Variants in STX8 observed in about 807,000 individuals in gnomAD.
STX8 encodes syntaxin-8.
Under a neutral mutation model 37.5 loss-of-function variants are expected in STX8, and 23 were observed. The observed-to-expected ratio is 0.61, with a 90% confidence interval of 0.44 to 0.87. STX8 has a LOEUF of 0.87. Among genes scored for constraint, STX8 ranks in the 40% least tolerant of loss-of-function variants. The probability of loss-of-function intolerance (pLI) is 0.00; values close to 1 mark genes in which losing one functional copy is unlikely to be tolerated. For missense variants in STX8, 313 were observed against 284.7 expected (o/e 1.10, Z -0.71); for synonymous variants, 115 against 99.1 (o/e 1.16, Z -0.95).
intron 6 of STX8, among the ~76,000 whole-genome samples, chr17:9,400,439 C>A (rs1272034927): frequency 6.6e-6 from 1 of 150,466 alleles, no homozygotes; most frequent in African/African-American, 2.5e-5. Flanking sequence ...GAGTCTCGCG[C>A]TGTCACGCAG....
chr17:9,327,527 T>C (rs1157535213), intron 7 of STX8, among the ~76,000 whole-genome samples: 1 of 152,128 alleles, frequency 6.6e-6, no homozygotes, highest in South Asian at 2.1e-4. Context: ...CTAATGTTGA[T>C]GGACAGAGAG....
In STX8 at chr17:9,400,103, A is replaced by AT. The variant is rs1332056276; in HGVS notation, c.542-21451dup. Among the ~76,000 whole-genome samples, 424 of 104,648 alleles carry AT rather than the reference A, an allele frequency of 4.1e-3. 3 individuals carry two copies. Among genetic ancestry groups the AT allele is most frequent in the African/African-American group, 0.016 (407 of 26,214 alleles). The allele number at this position is 104,648 out of a possible 152,430, so 68.7% of individuals were successfully genotyped here. A position where few individuals can be genotyped will look rare whatever the true frequency, so the allele number is the denominator to read the frequency against. On this transcript the variant is annotated intron_variant, in intron 6 of 7. Transcript: ENST00000306357. The stretch of plus-strand genomic sequence containing the variant: ...TTATTTATTTATTTAATTTGTTGTT[A>AT]TTATTTTTTTTTTTTTTGAGACGGA...
chr17:9,528,771 G>C (rs1385015886), intron 4 of STX8, among the ~76,000 whole-genome samples: 1 of 151,852 alleles, frequency 6.6e-6, no homozygotes, highest in Non-Finnish European at 1.5e-5. Context: ...GAAACTATTA[G>C]AAAGAGGTAT....
chr17:9,421,678 C>T (rs1000031205), intron 6 of STX8, among the ~76,000 whole-genome samples: 1 of 152,030 alleles, frequency 6.6e-6, no homozygotes, highest in Non-Finnish European at 1.5e-5. Context: ...ACAATCACCA[C>T]CCCTATCTAG....
intron 6 of STX8, among the ~76,000 whole-genome samples, chr17:9,474,373 GT>G (rs1003444829): frequency 7.9e-5 from 12 of 152,180 alleles, no homozygotes; most frequent in Non-Finnish European, 1.5e-4. Context: ...GAACCCCTCA[GT>G]TTTTTTCTTT....
rs370815258 is a variant in STX8, at chr17:9,281,663, G to C, written c.644-31018C>G. 9.2e-5 allele frequency among the ~76,000 whole-genome samples: 14 copies of C among 152,226 alleles called. No individual in the cohort carries two copies. In the East Asian group the frequency reaches 1.7e-3, roughly 19 times the overall value. ...TAAAAATATTAAAAGGCTGGGCACA[G>C]TGGCTCACGCCTGTAATCCCAGCAC... On this transcript the variant is annotated intron_variant, in intron 7 of 7. Transcript: ENST00000306357.
At chr17:9,473,735 T>C (rs1345598879) in intron 6 of STX8, among the ~76,000 whole-genome samples, 1 of 152,194 alleles carries the variant, frequency 6.6e-6, no homozygotes, top group Non-Finnish European at 1.5e-5. Context: ...GGGCCAAGTA[T>C]ACATATGTTT....
chr17:9,400,611 G>T (rs1351832277), intron 6 of STX8, among the ~76,000 whole-genome samples: 1 of 151,486 alleles, frequency 6.6e-6, no homozygotes, highest in Non-Finnish European at 1.5e-5. Context: ...CACCATGTTG[G>T]TCAGGCTGGT....
intron 6 of STX8, among the ~76,000 whole-genome samples, chr17:9,489,690 C>CGTTTTT (rs1378987157): frequency 2.1e-4 from 8 of 38,606 alleles, no homozygotes; most frequent in Admixed American, 1.6e-3. Context: ...AGCTTACTTT[C>CGTTTTT]CTTTTTTTTT....
intron 7 of STX8, among the ~76,000 whole-genome samples, chr17:9,356,447 T>C (rs1019006070): frequency 2.6e-5 from 4 of 152,214 alleles, no homozygotes; most frequent in Non-Finnish European, 4.4e-5. Flanking sequence ...GTGGTGCCCA[T>C]GTAAGCTGCC....
intron 7 of STX8, among the ~76,000 whole-genome samples, chr17:9,286,686 C>CAAAAA (rs34274390): frequency 8.4e-5 from 7 of 82,932 alleles, no homozygotes; most frequent in African/African-American, 3.2e-4. Context: ...CAAAGGGAAG[C>CAAAAA]AAAAAAAAAA....
At chr17:9,311,690 T>G (rs1909193483) in intron 7 of STX8, among the ~76,000 whole-genome samples, 2 of 152,190 alleles carry the variant, frequency 1.3e-5, no homozygotes, top group African/African-American at 4.8e-5. Flanking sequence ...TCACTGAACC[T>G]TTCTGTGCTT....
At chr17:9,463,777 G>A (rs1348481152) in intron 6 of STX8, among the ~76,000 whole-genome samples, 3 of 152,060 alleles carry the variant, frequency 2.0e-5, no homozygotes, top group Admixed American at 2.0e-4. Context: ...GTGTGGTGGC[G>A]CATGCCTGTA....
At chr17:9,551,062 T>C (rs1195362896) in intron 3 of STX8, among the ~76,000 whole-genome samples, 1 of 151,962 alleles carries the variant, frequency 6.6e-6, no homozygotes, top group Non-Finnish European at 1.5e-5. Flanking sequence ...GCAACAAGAG[T>C]GAAACTCCGT....
intron 2 of STX8, 123 bp downstream of exon 2, chr17:9,568,248 C>T: frequency 1.5e-6 from 1 of 662,824 alleles, no homozygotes; most frequent in Non-Finnish European, 2.5e-6. Context: ...GTCAATTCAA[C>T]ATATGTAAGC....
At chr17:9,483,365 TGTAAGGAC>T (rs1906431020) in intron 6 of STX8, among the ~76,000 whole-genome samples, 2 of 152,290 alleles carry the variant, frequency 1.3e-5, no homozygotes, top group South Asian at 2.1e-4. Flanking sequence ...GCCTCCCCTT[TGTAAGGAC>T]GTTTGGGATC....
At position 9,259,794 on chromosome 17, in the gene STX8, G is replaced by A. The variant is rs138275040; in HGVS notation, c.644-9149C>T. ...AGGAGAAGGTTAAAGCAAACCACAA[G>A]GAGCACCCGACTTTATAACACATTC... On this transcript the variant is annotated intron_variant, in intron 7 of 7. Coordinates refer to ENST00000306357, the MANE Select transcript of STX8 (RefSeq NM_004853.3). Among the ~76,000 whole-genome samples the A allele has an allele frequency of 3.2e-3, 490 of 152,300 alleles. 2 individuals carry two copies. Among genetic ancestry groups the A allele is most frequent in the Non-Finnish European group, 4.9e-3 (336 of 68,024 alleles).
rs113720079 is a variant in STX8, at chr17:9,422,311, T to C, written c.542-43658A>G. 5.2e-3 allele frequency among the ~76,000 whole-genome samples: 793 copies of C among 152,298 alleles called. 6 individuals carry two copies. Among genetic ancestry groups the C allele is most frequent in the African/African-American group, 0.018 (745 of 41,566 alleles). On this transcript the variant is annotated intron_variant, in intron 6 of 7. Coordinates refer to ENST00000306357, the MANE Select transcript of STX8 (RefSeq NM_004853.3). ...TAGTAGAGACAGGGTTTCACTGTTT[T>C]GGCCAGGCTGGTCTTGAACTTCTGA...
At chr17:9,556,782 TATATATATATATACACATAC>T (rs1204965415) in intron 3 of STX8, 22 of 38,436 alleles carry the variant, frequency 5.7e-4, no homozygotes, top group African/African-American at 2.6e-3. Flanking sequence ...TATATATATA[TATATATATATATACACATAC>T]ATATATATAT....
Sources: allele counts gnomAD v4.1 joint callset (sites outside exome capture counted in the v4.1 genomes callset), GRCh38; gene constraint gnomAD v4.1.1; transcripts MANE v1.5; gene names NCBI Gene and HGNC (gene_info 2026-07-23, HGNC 2026-07-21).